The following SYMPK variants were observed in gnomAD, a reference collection of about 807,000 sequenced individuals.
SYMPK encodes symplekin.
A neutral mutation model predicts 136.4 loss-of-function variants in SYMPK; 49 were observed. The observed-to-expected ratio is 0.36, with a 90% confidence interval of 0.29 to 0.46. The LOEUF (loss-of-function observed/expected upper bound fraction) is 0.46, where lower values mean the gene tolerates loss of function less well. Ranked by LOEUF, SYMPK falls within the 20% of genes least tolerant of loss-of-function variation. The probability of loss-of-function intolerance (pLI) is 1.00; values close to 1 mark genes in which losing one functional copy is unlikely to be tolerated. For synonymous variants in SYMPK, 766 were observed against 713.0 expected (o/e 1.07, Z -1.19); for missense variants, 1,365 against 1,690.0 (o/e 0.81, Z 3.37).
intron 3 of SYMPK, 49 bp from the exon 4 acceptor site, chr19:45,852,584 G>A (rs920668803): frequency 1.9e-6 from 3 of 1,608,788 alleles, no homozygotes; most frequent in African/African-American, 1.3e-5. Context: ...ATAAAACGAG[G>A]GGCCAATCAA....
chr19:45,823,501 T>C, intron 19 of SYMPK, 29 bp from the exon 20 acceptor site: 1 of 1,606,806 alleles, frequency 6.2e-7, no homozygotes, highest in Non-Finnish European at 8.5e-7. Flanking sequence ...AGGCACCAAG[T>C]TGGAGGCGGA....
At chr19:45,838,389 T>C in intron 10 of SYMPK, 72 bp downstream of exon 10, 2 of 1,524,472 alleles carry the variant, frequency 1.3e-6, no homozygotes, top group East Asian at 2.4e-5. Context: ...TGGTGTGAAG[T>C]GGAGGCAGGT....
intron 3 of SYMPK, among the ~76,000 whole-genome samples, chr19:45,853,950 T>C (rs1301311888): frequency 6.6e-6 from 1 of 152,200 alleles, no homozygotes; most frequent in Admixed American, 6.5e-5. Flanking sequence ...GGGCTAATAA[T>C]TTAAGCCCCG....
Position 45,854,238 on chromosome 19 carries a change from C to T in SYMPK, c.108G>A (p.Val36=). The T allele has an allele frequency of 1.9e-6, 3 of 1,614,112 alleles. No homozygotes were observed. Among genetic ancestry groups the T allele is most frequent in the African/African-American group, 1.3e-5 (1 of 75,022 alleles). The stretch of plus-strand genomic sequence containing the variant: ...GCGCCGCCTGGTTCAGAAGATCCAC[C>T]ACCTGGAAGGAGGGGGAGTGGCAGG... ...GIDGMTTSER[V]VDLLNQAALI... The change falls in exon 3 of 27, where the codon GTG becomes GTA. Residue 36 remains valine (V), a splice_region_variant and synonymous_variant. Transcript: ENST00000245934.
chr19:45,837,891 G>T (rs962807582), intron 10 of SYMPK, among the ~76,000 whole-genome samples: 1 of 152,116 alleles, frequency 6.6e-6, no homozygotes, highest in African/African-American at 2.4e-5. Flanking sequence ...GGAGAAAGTG[G>T]AAAAGTGTAG....
chr19:45,817,326 G>A (rs1195866715), intron 23 of SYMPK, among the ~76,000 whole-genome samples: 2 of 151,974 alleles, frequency 1.3e-5, no homozygotes, highest in Admixed American at 6.6e-5. Flanking sequence ...GGTCCGTGCC[G>A]GTGCCGGGAC....
intron 10 of SYMPK, among the ~76,000 whole-genome samples, chr19:45,838,031 A>G (rs201868133): frequency 2.6e-5 from 4 of 152,202 alleles, no homozygotes; most frequent in African/African-American, 7.2e-5. Context: ...CTCATGTTGA[A>G]TTACAATCCC....
rs114329832 is a variant in SYMPK, at chr19:45,833,809, C to T, written c.1393+1269G>A. 9.8e-3 allele frequency among the ~76,000 whole-genome samples: 1,487 copies of T among 152,264 alleles called. 30 individuals are homozygous for T. Among genetic ancestry groups the T allele is most frequent in the African/African-American group, 0.034 (1,394 of 41,536 alleles). On this transcript the variant is annotated intron_variant, in intron 11 of 26. Transcript: ENST00000245934. ...AAGGGTAAAATTCCACACCTGACCT[C>T]GTGTGGATAGATGGCAGTCAAAACA...
intron 5 of SYMPK, 115 bp downstream of exon 5, chr19:45,852,197 G>A (rs1431985570): frequency 9.4e-7 from 1 of 1,061,158 alleles, no homozygotes; most frequent in Non-Finnish European, 1.5e-6. Context: ...ATGAGAGAGA[G>A]AAAGGGTCTG....
rs763771090 is a variant in SYMPK, at chr19:45,842,300, C to T, written c.1037G>A (p.Arg346His). The T allele has an allele frequency of 5.6e-5, 90 of 1,614,084 alleles. No homozygotes were observed. Among genetic ancestry groups the T allele is most frequent in the Non-Finnish European group, 6.7e-5 (79 of 1,180,044 alleles). The change falls in exon 9 of 27, where the codon CGC (arginine) becomes CAC (histidine). Residue 346 changes from arginine (R) to histidine (H), a missense_variant. Physicochemically the swap from Arg to His is conservative, Grantham distance 29 (BLOSUM62 0). Around this residue, in one of 11 missense-constraint regions of SYMPK, gnomAD observed 111 missense variants for 141.2 expected, o/e 0.79. Coordinates refer to ENST00000245934, the MANE Select transcript of SYMPK (RefSeq NM_004819.3). Reference protein sequence around the residue: ...ARNMPSSKDTRKRPRDDSDST... With the variant: ...ARNMPSSKDTHKRPRDDSDST... Reference sequence around the variant, plus strand: ...GTCCGAGTCATCGCGGGGCCGCTTGCGGGTGTCCTTGCTGCTCGGCATGTT... The same window carrying T: ...GTCCGAGTCATCGCGGGGCCGCTTGTGGGTGTCCTTGCTGCTCGGCATGTT...
intron 17 of SYMPK, among the ~76,000 whole-genome samples, chr19:45,826,003 AC>A (rs1379249581): frequency 1.3e-5 from 2 of 152,120 alleles, no homozygotes; most frequent in Non-Finnish European, 2.9e-5. Flanking sequence ...CTCAGGCCCC[AC>A]CGATGGCTGG....
At position 45,852,478 on chromosome 19, in the gene SYMPK, T is replaced by G; in HGVS notation, c.225+4A>C. ...CACCCCTTTCTCTTCTGTCAGTCAC[T>G]CACATCCAGGAAGTTGTCCAGTAGT... On this transcript the variant is annotated splice_donor_region_variant and intron_variant, in intron 4 of 26. Coordinates refer to ENST00000245934, the MANE Select transcript of SYMPK (RefSeq NM_004819.3). 1 of 1,614,172 alleles carries G rather than the reference T, an allele frequency of 6.2e-7. No individual in the cohort carries two copies.
chr19:45,818,287 A>G (rs1970803202), intron 22 of SYMPK, 141 bp from the exon 23 acceptor site: 2 of 796,938 alleles, frequency 2.5e-6, no homozygotes, highest in South Asian at 2.3e-5. Flanking sequence ...GAGAGAGGAG[A>G]CTCCCCCGAC....
intron 15 of SYMPK, 73 bp downstream of exon 15, chr19:45,827,764 T>G: frequency 1.3e-6 from 2 of 1,537,892 alleles, no homozygotes; most frequent in Non-Finnish European, 1.8e-6. Flanking sequence ...GTTTAGACTG[T>G]GTGCCCTTCA....
intron 19 of SYMPK, 116 bp from the exon 20 acceptor site, chr19:45,823,588 TG>T: frequency 9.3e-7 from 1 of 1,069,660 alleles, no homozygotes; most frequent in Non-Finnish European, 1.4e-6. Context: ...ACTTCACCCT[TG>T]GCTGCTCACG....
Position 45,826,111 on chromosome 19 carries a change from C to T in SYMPK, c.2329+115G>A, listed in dbSNP as rs1029811659. ...CAGCCCCCAGGTGGCTGTCCCAGTC[C>T]TGCCCATTCCCGTCACTCGTGTCCG... On this transcript the variant is annotated intron_variant, in intron 17 of 26. Coordinates refer to ENST00000245934, the MANE Select transcript of SYMPK (RefSeq NM_004819.3). 3 of 1,462,676 alleles carry T rather than the reference C, an allele frequency of 2.1e-6. No individual in the cohort carries two copies. The Admixed American group carries it at 6.2e-5, about 30-fold the overall frequency. 90.6% of individuals were successfully genotyped at this position (1,462,676 alleles called of 1,614,324 possible).
At chr19:45,854,295 GC>G in intron 2 of SYMPK, 55 bp from the exon 3 acceptor site, 5 of 1,606,012 alleles carry the variant, frequency 3.1e-6, no homozygotes, top group Non-Finnish European at 4.3e-6. Context: ...GCCCAGTGCA[GC>G]CCCCTCGGCA....
intron 1 of SYMPK, among the ~76,000 whole-genome samples, chr19:45,859,456 T>G (rs1971909943): frequency 6.6e-6 from 1 of 151,104 alleles, no homozygotes; most frequent in Admixed American, 6.6e-5. Context: ...AAAAATTACT[T>G]GGGCATGGAG....
At chr19:45,839,897 T>C (rs1971395098) in intron 9 of SYMPK, among the ~76,000 whole-genome samples, 1 of 152,032 alleles carries the variant, frequency 6.6e-6, no homozygotes, top group Non-Finnish European at 1.5e-5. Flanking sequence ...AAGAGAAACA[T>C]GTATTTTACA....
Sources: gnomAD v4.1 joint callset for allele counts (sites outside exome capture counted in the v4.1 genomes callset) on GRCh38, gnomAD v4.1.1 for gene constraint, gnomAD v4.1.1 regional missense constraint, MANE v1.5 for transcripts, NCBI Gene and HGNC (gene_info 2026-07-23, HGNC 2026-07-21) for gene names.